NELL2: variants seen among roughly 807,000 people sequenced by gnomAD.
The protein encoded by NELL2 is protein kinase C-binding protein NELL2.
A neutral mutation model predicts 109.6 loss-of-function variants in NELL2; 41 were observed. That is an observed-to-expected ratio of 0.37 (90% CI 0.29 to 0.49). The LOEUF (loss-of-function observed/expected upper bound fraction) is 0.49. Ranked by LOEUF, NELL2 falls within the 20% of genes least tolerant of loss-of-function variation. The probability of loss-of-function intolerance (pLI) is 0.98; values close to 1 mark genes in which losing one functional copy is unlikely to be tolerated. For missense variants in NELL2, 900 were observed against 1,008.3 expected, an observed-to-expected ratio of 0.89 and a Z score of 1.45; for synonymous variants, 355 against 344.7, an observed-to-expected ratio of 1.03 and a Z score of -0.33.
chr12:44,619,227 G>A (rs1293720090), intron 13 of NELL2, among the ~76,000 whole-genome samples: 2 of 152,104 alleles, frequency 1.3e-5, no homozygotes, highest in Non-Finnish European at 2.9e-5. Flanking sequence ...AAAGCATGGG[G>A]TATAAAAAGG....
At position 44,538,686 on chromosome 12, in the gene NELL2, TATAAAC is replaced by T. The variant is rs1942402631; in HGVS notation, c.1664-5971_1664-5966del. Among the ~76,000 whole-genome samples the T allele has an allele frequency of 2.0e-5, 3 of 152,260 alleles. No individual in the cohort carries two copies. In the South Asian group the frequency reaches 6.2e-4, roughly 32 times the overall value. On this transcript the variant is annotated intron_variant, in intron 15 of 19. Coordinates refer to ENST00000429094, the MANE Select transcript of NELL2 (RefSeq NM_001145108.2). The stretch of plus-strand genomic sequence containing the variant: ...GACTACGTTTTATAAAGAAAAAGGT[TATAAAC>T]ATTTCAACTCGGGAAAAAGTGGAGA...
chr12:44,876,459 G>A, upstream of NELL2: 1 of 1,299,382 alleles, frequency 7.7e-7, no homozygotes, highest in East Asian at 2.9e-5. Context: ...TCTCCTGGAT[G>A]CCAAACCCGG....
At chr12:44,893,007 C>CT (rs1420099340) in intron 1 of NELL2, among the ~76,000 whole-genome samples, 4 of 152,168 alleles carry the variant, frequency 2.6e-5, no homozygotes, top group Non-Finnish European at 5.9e-5. Flanking sequence ...TCACAATACT[C>CT]TATCAGTCCA....
Position 44,838,923 on chromosome 12 carries a change from T to C in NELL2, c.185-22787A>G, listed in dbSNP as rs541144733. On this transcript the variant is annotated intron_variant, in intron 2 of 19. Coordinates refer to ENST00000429094, the MANE Select transcript of NELL2 (RefSeq NM_001145108.2). ...AGTGAGTTCATCAGCTAAGTGAGAATACATTGAACTACAACATTTTCTTCT... is the reference window on the plus strand; with the variant it reads ...AGTGAGTTCATCAGCTAAGTGAGAACACATTGAACTACAACATTTTCTTCT... 1.6e-3 allele frequency among the ~76,000 whole-genome samples: 249 copies of C among 152,330 alleles called. 3 individuals are homozygous for C. Among genetic ancestry groups the C allele is most frequent in the South Asian group, 0.014 (67 of 4,828 alleles).
chr12:44,720,305 T>C (rs2136452721), intron 9 of NELL2, among the ~76,000 whole-genome samples: 1 of 152,290 alleles, frequency 6.6e-6, no homozygotes, highest in South Asian at 2.1e-4. Context: ...GTTAAATTTT[T>C]TGGTAAATTC....
At chr12:44,662,302 T>G (rs1415895133) in intron 13 of NELL2, among the ~76,000 whole-genome samples, 1 of 152,200 alleles carries the variant, frequency 6.6e-6, no homozygotes, top group Admixed American at 6.5e-5. Context: ...GACAGTAGTT[T>G]AAATAATGAA....
At chr12:44,557,045 T>C (rs1201270914) in intron 15 of NELL2, among the ~76,000 whole-genome samples, 1 of 152,156 alleles carries the variant, frequency 6.6e-6, no homozygotes, top group Non-Finnish European at 1.5e-5. Context: ...TGTTCAATAA[T>C]GAATTGTCCC....
chr12:44,762,902 C>T (rs1181363997), intron 9 of NELL2, among the ~76,000 whole-genome samples: 2 of 152,148 alleles, frequency 1.3e-5, no homozygotes, highest in Non-Finnish European at 2.9e-5. Flanking sequence ...GGTGGTAAAA[C>T]ACTTATTTCA....
Position 44,703,635 on chromosome 12 carries a change from T to C in NELL2, c.1318+91A>G. 3.0e-6 allele frequency: 4 copies of C among 1,350,972 alleles called. No homozygotes were observed. In the South Asian group the frequency reaches 3.7e-5, roughly 13 times the overall value. The allele number at this position is 1,350,972 out of a possible 1,614,324, so 83.7% of individuals were successfully genotyped here. Reference sequence around the variant, plus strand: ...AAATTCACTGCTTTTAATGGGCCCATCAACTTGACAACCTGGGAACTTAAT... The same window carrying C: ...AAATTCACTGCTTTTAATGGGCCCACCAACTTGACAACCTGGGAACTTAAT... On this transcript the variant is annotated intron_variant, in intron 12 of 19. Coordinates refer to ENST00000429094, the MANE Select transcript of NELL2 (RefSeq NM_001145108.2).
intron 15 of NELL2, among the ~76,000 whole-genome samples, chr12:44,596,048 A>C (rs1944952139): frequency 6.6e-6 from 1 of 152,190 alleles, no homozygotes; most frequent in South Asian, 2.1e-4. Context: ...TGTAGTTAGC[A>C]GTCACTTAAA....
chr12:44,792,351 T>G (rs1446368807), intron 3 of NELL2, among the ~76,000 whole-genome samples: 2 of 152,130 alleles, frequency 1.3e-5, no homozygotes, highest in Non-Finnish European at 2.9e-5. Context: ...AAGAGATTTT[T>G]TCTTCATTTT....
intron 19 of NELL2, among the ~76,000 whole-genome samples, chr12:44,511,486 A>G (rs1371832313): frequency 1.3e-5 from 2 of 152,194 alleles, no homozygotes; most frequent in Non-Finnish European, 1.5e-5. Flanking sequence ...TGAGATAACT[A>G]TAAGGAAAGC....
chr12:44,739,605 T>C (rs927088508), intron 9 of NELL2, among the ~76,000 whole-genome samples: 1 of 152,126 alleles, frequency 6.6e-6, no homozygotes, highest in African/African-American at 2.4e-5. Flanking sequence ...ATAAACATAG[T>C]TTTAGCCAGG....
chr12:44,782,249 C>T (rs1941990109), intron 3 of NELL2, among the ~76,000 whole-genome samples: 1 of 151,506 alleles, frequency 6.6e-6, no homozygotes, highest in African/African-American at 2.4e-5. Context: ...CTACAGCAAC[C>T]ACTTACAAAG....
chr12:44,789,524 G>A lies in NELL2; in HGVS notation c.336-9502C>T, dbSNP rs140863884. On this transcript the variant is annotated intron_variant, in intron 3 of 19. Transcript: ENST00000429094. ...TGACAGAACCTACCCAAATGAGAAG[G>A]CACCAGAAAACCAGCTCTGGTAACA... Among the ~76,000 whole-genome samples, 15 of 152,206 alleles carry A rather than the reference G, an allele frequency of 9.9e-5. No homozygotes were observed. In the East Asian group the frequency reaches 2.5e-3, roughly 26 times the overall value.
chr12:44,583,993 C>T lies in NELL2; in HGVS notation c.1663+23176G>A, dbSNP rs569368986. Among the ~76,000 whole-genome samples the T allele has an allele frequency of 5.3e-5, 8 of 152,274 alleles. No individual in the cohort carries two copies. In the South Asian group the frequency reaches 8.3e-4, roughly 16 times the overall value. On this transcript the variant is annotated intron_variant, in intron 15 of 19. Transcript: ENST00000429094. ...TCTGCCATGTTGCCCAGTCTGGCCTCGAACTCCTGAGCTCAAGCGATCCGC... is the reference window on the plus strand; with the variant it reads ...TCTGCCATGTTGCCCAGTCTGGCCTTGAACTCCTGAGCTCAAGCGATCCGC...
At chr12:44,768,145 A>C (rs1399182901) in intron 9 of NELL2, among the ~76,000 whole-genome samples, 1 of 152,144 alleles carries the variant, frequency 6.6e-6, no homozygotes, top group East Asian at 1.9e-4. Context: ...TATTTTTCTA[A>C]AGATCATTAA....
In NELL2 at chr12:44,890,879, C is replaced by T. The variant is rs960243406; in HGVS notation, c.39-14979G>A. Among the ~76,000 whole-genome samples the T allele has an allele frequency of 7.9e-5, 12 of 152,096 alleles. No individual in the cohort carries two copies. The East Asian group carries it at 9.7e-4, about 12-fold the overall frequency. ...CTGAGTAGCTGGGATTACAGGCACC[C>T]GCCATCATGCCAGGCTAATTTCTGT... is the stretch of plus-strand genomic sequence containing the variant. On this transcript the variant is annotated intron_variant, in intron 1 of 20. Coordinates refer to the NELL2 transcript ENST00000333837.
Position 44,615,750 on chromosome 12 carries a change from ATTT to A in NELL2, c.1445-4783_1445-4781del, listed in dbSNP as rs572510505. On this transcript the variant is annotated intron_variant, in intron 13 of 19. Coordinates refer to ENST00000429094, the MANE Select transcript of NELL2 (RefSeq NM_001145108.2). ...TAGGACGTTATCATCTCTTTACTGT[ATTT>A]TATACCTCTTTAAAAACACCATCTA... Among the ~76,000 whole-genome samples the A allele has an allele frequency of 2.0e-3, 303 of 152,178 alleles. 2 individuals carry two copies. Among genetic ancestry groups the A allele is most frequent in the African/African-American group, 6.8e-3 (284 of 41,520 alleles).
Sources: allele counts gnomAD v4.1 joint callset (sites outside exome capture counted in the v4.1 genomes callset), GRCh38; gene constraint gnomAD v4.1.1; transcripts MANE v1.5; gene names NCBI Gene and HGNC (gene_info 2026-07-23, HGNC 2026-07-21).